Variants in ATP6V1G2 observed in about 807,000 individuals in gnomAD.
ATP6V1G2 encodes the protein V-type proton ATPase subunit G 2.
A neutral mutation model predicts 17.8 loss-of-function variants in ATP6V1G2; 14 were observed. The ratio of observed to expected loss-of-function variants is 0.79; its 90% CI spans 0.52 to 1.23. The LOEUF (loss-of-function observed/expected upper bound fraction) is 1.23, where lower values mean the gene tolerates loss of function less well. ATP6V1G2 is among the 50% of genes most tolerant of loss of function. The pLI, the probability that ATP6V1G2 is intolerant of heterozygous loss-of-function variation, is 0.00. For missense variants in ATP6V1G2, 112 were observed against 152.2 expected (o/e 0.74, Z 1.39); for synonymous variants, 57 against 54.8 (o/e 1.04, Z -0.17).
At position 31,546,569 on chromosome 6, in the gene ATP6V1G2, T is replaced by C; in HGVS notation, c.-10A>G. 1.2e-6 allele frequency: 2 copies of C among 1,612,544 alleles called. No homozygotes were observed. The highest frequency in any genetic ancestry group is 1.7e-6 in the Non-Finnish European group (2 of 1,178,964). The stretch of plus-strand genomic sequence containing the variant: ...GGGACTGACTGGCCATTTCTGTTGT[T>C]ATGGCCGATGCTGTTTTGAATGCTG... On this transcript the variant is annotated 5_prime_UTR_variant, in exon 1 of 3. In the 5' UTR this introduces an upstream ATG that the reference lacks. Coordinates refer to ENST00000303892, the MANE Select transcript of ATP6V1G2 (RefSeq NM_130463.4). The surrounding 1 kb of genome is among the most constrained non-coding windows in gnomAD (Gnocchi z 4.1).
chr6:31,545,873 A>G lies in ATP6V1G2; in HGVS notation c.183+236T>C, dbSNP rs1768942260. Reference sequence around the variant, plus strand: ...CAAATGTTAATCATACTCCACATAGATGTTATACTTTACACAGACTGTGGC... The same window carrying G: ...CAAATGTTAATCATACTCCACATAGGTGTTATACTTTACACAGACTGTGGC... On this transcript the variant is annotated intron_variant, in intron 2 of 2. Coordinates refer to ENST00000303892, the MANE Select transcript of ATP6V1G2 (RefSeq NM_130463.4). This position sits in a 1 kb window ranked among gnomAD's most constrained non-coding sequence, Gnocchi z 4.9. 1.6e-6 allele frequency: 1 copy of G among 614,030 alleles called. No homozygotes were observed. The highest frequency in any genetic ancestry group is 2.9e-6 in the Non-Finnish European group (1 of 346,940). 38.0% of individuals were successfully genotyped at this position (614,030 alleles called of 1,614,324 possible). A position where few individuals can be genotyped will look rare whatever the true frequency, so the allele number is the denominator to read the frequency against.
In ATP6V1G2 at chr6:31,545,762, G is replaced by A; in HGVS notation, c.184-181C>T. 1.4e-6 allele frequency: 1 copy of A among 690,466 alleles called. No individual in the cohort carries two copies. The highest frequency in any genetic ancestry group is 1.9e-5 in the South Asian group (1 of 51,606). The allele number at this position is 690,466 out of a possible 1,614,324, so 42.8% of individuals were successfully genotyped here. ...ATCAACACAGTCCCCTTTCCCCTTAGACCTAACATGCAACTTCATCCTAAA... is the reference window on the plus strand; with the variant it reads ...ATCAACACAGTCCCCTTTCCCCTTAAACCTAACATGCAACTTCATCCTAAA... On this transcript the variant is annotated intron_variant, in intron 2 of 2. Transcript: ENST00000303892. The surrounding 1 kb of genome is among the most constrained non-coding windows in gnomAD (Gnocchi z 4.9).
In ATP6V1G2 at chr6:31,545,943, T is replaced by C; in HGVS notation, c.183+166A>G. 2 of 695,980 alleles carry C rather than the reference T, an allele frequency of 2.9e-6. No individual in the cohort carries two copies. The highest frequency in any genetic ancestry group is 5.0e-6 in the Non-Finnish European group (2 of 396,692). 43.1% of individuals were successfully genotyped at this position (695,980 alleles called of 1,614,324 possible). On this transcript the variant is annotated intron_variant, in intron 2 of 2. Coordinates refer to ENST00000303892, the MANE Select transcript of ATP6V1G2 (RefSeq NM_130463.4). The surrounding 1 kb of genome is among the most constrained non-coding windows in gnomAD (Gnocchi z 4.9). ...TGTGGCCTTCAAAACTCCCAGACTC[T>C]CCTACATATCATCACAAAGTTTCAC...
chr6:31,545,774 A>C lies in ATP6V1G2; in HGVS notation c.184-193T>G, dbSNP rs1768929721. 1 of 661,120 alleles carries C rather than the reference A, an allele frequency of 1.5e-6. No individual in the cohort carries two copies. The highest frequency in any genetic ancestry group is 2.5e-6 in the Non-Finnish European group (1 of 392,174). The allele number at this position is 661,120 out of a possible 1,614,324, so 41.0% of individuals were successfully genotyped here. A position where few individuals can be genotyped will look rare whatever the true frequency, so the allele number is the denominator to read the frequency against. On this transcript the variant is annotated intron_variant, in intron 2 of 2. Transcript: ENST00000303892. This position sits in a 1 kb window ranked among gnomAD's most constrained non-coding sequence, Gnocchi z 4.9. ...CCCTTTCCCCTTAGACCTAACATGCAACTTCATCCTAAAACAGACCGTAAT... is the reference window on the plus strand; with the variant it reads ...CCCTTTCCCCTTAGACCTAACATGCCACTTCATCCTAAAACAGACCGTAAT...
Position 31,546,118 on chromosome 6 carries a change from CT to C in ATP6V1G2, c.173del (p.Lys58SerfsTer88). The C allele has an allele frequency of 6.2e-7, 1 of 1,614,062 alleles. No individual in the cohort carries two copies. The highest frequency in any genetic ancestry group is 8.5e-7 in the Non-Finnish European group (1 of 1,180,018). On this transcript the variant is annotated frameshift_variant, in exon 2 of 3. Coordinates refer to ENST00000303892, the MANE Select transcript of ATP6V1G2 (RefSeq NM_130463.4). LOFTEE classifies it high-confidence loss of function. This position sits in a 1 kb window ranked among gnomAD's most constrained non-coding sequence, Gnocchi z 4.1. ...RREREHEFQS[K>X]QQAAMGSQGN... ...CTCTGCCTCAACTCACCGCCTGCTG[CT>C]TGCTCTGGAATTCGTGCTCTCGCTC...
Position 31,545,979 on chromosome 6 carries a change from G to C in ATP6V1G2, c.183+130C>G. 2.3e-6 allele frequency: 2 copies of C among 873,260 alleles called. No homozygotes were observed. The highest frequency in any genetic ancestry group is 1.9e-5 in the Admixed American group (1 of 51,900). 54.1% of individuals were successfully genotyped at this position (873,260 alleles called of 1,614,324 possible). A position where few individuals can be genotyped will look rare whatever the true frequency, so the allele number is the denominator to read the frequency against. On this transcript the variant is annotated intron_variant, in intron 2 of 2. Transcript: ENST00000303892. The surrounding 1 kb of genome is among the most constrained non-coding windows in gnomAD (Gnocchi z 4.9). Reference sequence around the variant, plus strand: ...ATCACAAAGTTTCACCAATGTTGTGGTCCCTGCCAGGGTCCCCTCAGCCTC... The same window carrying C: ...ATCACAAAGTTTCACCAATGTTGTGCTCCCTGCCAGGGTCCCCTCAGCCTC...
upstream of ATP6V1G2, chr6:31,546,692 G>C (rs1769029099): frequency 1.4e-6 from 1 of 734,722 alleles, no homozygotes; most frequent in Admixed American, 2.1e-5. The surrounding 1 kb of genome is among the most constrained non-coding windows in gnomAD (Gnocchi z 4.1). Context: ...GTGCTCCCCT[G>C]CTCACTCAGC....
In ATP6V1G2 at chr6:31,545,449, C is replaced by A; in HGVS notation, c.316G>T (p.Val106Phe). 5 of 1,613,962 alleles carry A rather than the reference C, an allele frequency of 3.1e-6. No individual in the cohort carries two copies. The highest frequency in any genetic ancestry group is 4.2e-6 in the Non-Finnish European group (5 of 1,179,962). The change falls in exon 3 of 3, where the codon GTC (valine) becomes TTC (phenylalanine). Residue 106 changes from valine (V) to phenylalanine (F), a missense_variant. Transcript: ENST00000303892. This position sits in a 1 kb window ranked among gnomAD's most constrained non-coding sequence, Gnocchi z 4.9. ...TAGTTGGGGTGGACCTGGGGCCTGA[C>A]GTCGCAGACCATGCCAAGAAGCTGG... The part of the protein sequence containing the change: ...LAQLLGMVCD[V>F]RPQVHPNYRI...
Position 31,545,121 on chromosome 6 carries a change from A to T in ATP6V1G2, c.*287T>A. The T allele has an allele frequency of 1.9e-6, 1 of 535,708 alleles. No homozygotes were observed. Among genetic ancestry groups the T allele is most frequent in the Non-Finnish European group, 3.3e-6 (1 of 301,566 alleles). 33.2% of individuals were successfully genotyped at this position (535,708 alleles called of 1,614,324 possible). ...GGGACCCACATCGGCCAGACACTGA[A>T]GTCAGGATGTTTTCCACATTCCTAC... On this transcript the variant is annotated 3_prime_UTR_variant, in exon 3 of 3. Coordinates refer to ENST00000303892, the MANE Select transcript of ATP6V1G2 (RefSeq NM_130463.4). The surrounding 1 kb of genome is among the most constrained non-coding windows in gnomAD (Gnocchi z 4.9).
rs56735642 is a variant in ATP6V1G2 at position 31,544,667 on chromosome 6, C to CA, written c.*740dup. ...AAGACAAAGATCAGCAAAAGAAAAACAAAGAGAGGCTACAAAATGCAGTTA... is the reference window on the plus strand; with the variant it reads ...AAGACAAAGATCAGCAAAAGAAAAACAAAAGAGAGGCTACAAAATGCAGTTA... On this transcript the variant is annotated 3_prime_UTR_variant, in exon 3 of 3. Transcript: ENST00000303892. 2.2e-6 allele frequency: 1 copy of CA among 453,460 alleles called. No individual in the cohort carries two copies. The highest frequency in any genetic ancestry group is 4.4e-6 in the Non-Finnish European group (1 of 225,942). The allele number at this position is 453,460 out of a possible 1,614,324, so 28.1% of individuals were successfully genotyped here.
rs1411054319 is a variant in ATP6V1G2, at chr6:31,546,073, G to T, written c.183+36C>A. 1 of 1,599,346 alleles carries T rather than the reference G, an allele frequency of 6.3e-7. No homozygotes were observed. Among genetic ancestry groups the T allele is most frequent in the South Asian group, 1.1e-5 (1 of 90,786 alleles). On this transcript the variant is annotated intron_variant, in intron 2 of 2. Coordinates refer to ENST00000303892, the MANE Select transcript of ATP6V1G2 (RefSeq NM_130463.4). The surrounding 1 kb of genome is among the most constrained non-coding windows in gnomAD (Gnocchi z 4.1). Reference sequence around the variant, plus strand: ...CCTCACTAGATGCACCCACCAACTTGCAGTGGGGTCTCAACCCGACTCTGC... The same window carrying T: ...CCTCACTAGATGCACCCACCAACTTTCAGTGGGGTCTCAACCCGACTCTGC...
Position 31,546,296 on chromosome 6 carries a change from T to C in ATP6V1G2, c.83-87A>G, listed in dbSNP as rs1768985345. ...GGAGTCAGTCCCTTCCAGAAAGTTA[T>C]ACAGCCTTCTCTCAGCCAACCAGGT... On this transcript the variant is annotated intron_variant, in intron 1 of 2. Transcript: ENST00000303892. This position sits in a 1 kb window ranked among gnomAD's most constrained non-coding sequence, Gnocchi z 4.1. 2.1e-6 allele frequency: 3 copies of C among 1,395,882 alleles called. No individual in the cohort carries two copies. Among genetic ancestry groups the C allele is most frequent in the Non-Finnish European group, 3.0e-6 (3 of 989,972 alleles). The allele number at this position is 1,395,882 out of a possible 1,614,324, so 86.5% of individuals were successfully genotyped here.
upstream of ATP6V1G2, chr6:31,546,612 TC>T: frequency 1.3e-6 from 2 of 1,534,458 alleles, no homozygotes; most frequent in Non-Finnish European, 1.8e-6. The surrounding 1 kb of genome is among the most constrained non-coding windows in gnomAD (Gnocchi z 4.1). Flanking sequence ...ACCAGATGGC[TC>T]CCACCCCCCA....
In ATP6V1G2 at chr6:31,545,333, G is replaced by C; in HGVS notation, c.*75C>G. The stretch of plus-strand genomic sequence containing the variant: ...GGGATGGAAAGAAGACAGGGATTAT[G>C]GTGGGAGGTGATTTTGATTGGAGGA... On this transcript the variant is annotated 3_prime_UTR_variant, in exon 3 of 3. Coordinates refer to ENST00000303892, the MANE Select transcript of ATP6V1G2 (RefSeq NM_130463.4). This position sits in a 1 kb window ranked among gnomAD's most constrained non-coding sequence, Gnocchi z 4.9. The C allele has an allele frequency of 6.7e-7, 1 of 1,500,808 alleles. No homozygotes were observed. Among genetic ancestry groups the C allele is most frequent in the African/African-American group, 1.4e-5 (1 of 73,006 alleles). The allele number at this position is 1,500,808 out of a possible 1,614,324, so 93.0% of individuals were successfully genotyped here. A position where few individuals can be genotyped will look rare whatever the true frequency, so the allele number is the denominator to read the frequency against.
chr6:31,545,989 G>T lies in ATP6V1G2; in HGVS notation c.183+120C>A. 1 of 981,558 alleles carries T rather than the reference G, an allele frequency of 1.0e-6. No homozygotes were observed. Among genetic ancestry groups the T allele is most frequent in the South Asian group, 1.3e-5 (1 of 74,634 alleles). 60.8% of individuals were successfully genotyped at this position (981,558 alleles called of 1,614,324 possible). On this transcript the variant is annotated intron_variant, in intron 2 of 2. Coordinates refer to ENST00000303892, the MANE Select transcript of ATP6V1G2 (RefSeq NM_130463.4). This position sits in a 1 kb window ranked among gnomAD's most constrained non-coding sequence, Gnocchi z 4.9. ...TTCACCAATGTTGTGGTCCCTGCCA[G>T]GGTCCCCTCAGCCTCAGCCCTCTGC...
chr6:31,546,089 C>T lies in ATP6V1G2; in HGVS notation c.183+20G>A. ...CACCAACTTGCAGTGGGGTCTCAAC[C>T]CGACTCTGCCTCAACTCACCGCCTG... On this transcript the variant is annotated intron_variant, in intron 2 of 2. Transcript: ENST00000303892. The surrounding 1 kb of genome is among the most constrained non-coding windows in gnomAD (Gnocchi z 4.1). The T allele has an allele frequency of 1.2e-6, 2 of 1,613,690 alleles. No homozygotes were observed. The highest frequency in any genetic ancestry group is 2.2e-5 in the South Asian group (2 of 91,058).
chr6:31,545,804 C>T lies in ATP6V1G2; in HGVS notation c.184-223G>A, dbSNP rs1768932523. The T allele has an allele frequency of 1.6e-6, 1 of 620,348 alleles. No individual in the cohort carries two copies. The highest frequency in any genetic ancestry group is 2.8e-6 in the Non-Finnish European group (1 of 354,856). The allele number at this position is 620,348 out of a possible 1,614,324, so 38.4% of individuals were successfully genotyped here. On this transcript the variant is annotated intron_variant, in intron 2 of 2. Transcript: ENST00000303892. The surrounding 1 kb of genome is among the most constrained non-coding windows in gnomAD (Gnocchi z 4.9). ...CATCCTAAAACAGACCGTAATATCC[C>T]CACCACCTCACCATCCATGACCATA...
chr6:31,545,627 A>G lies in ATP6V1G2; in HGVS notation c.184-46T>C. On this transcript the variant is annotated intron_variant, in intron 2 of 2. Coordinates refer to ENST00000303892, the MANE Select transcript of ATP6V1G2 (RefSeq NM_130463.4). This position sits in a 1 kb window ranked among gnomAD's most constrained non-coding sequence, Gnocchi z 4.9. Reference sequence around the variant, plus strand: ...TGGAAGAGAGAAAGGGAAAAGCAGAAACAGACAAGGGTCCAGGCATATGAG... The same window carrying G: ...TGGAAGAGAGAAAGGGAAAAGCAGAGACAGACAAGGGTCCAGGCATATGAG... The G allele has an allele frequency of 1.3e-6, 2 of 1,592,328 alleles. No homozygotes were observed. The highest frequency in any genetic ancestry group is 1.7e-6 in the Non-Finnish European group (2 of 1,168,048).
Position 31,545,852 on chromosome 6 carries a change from T to G in ATP6V1G2, c.183+257A>C. On this transcript the variant is annotated intron_variant, in intron 2 of 2. Transcript: ENST00000303892. This position sits in a 1 kb window ranked among gnomAD's most constrained non-coding sequence, Gnocchi z 4.9. Reference sequence around the variant, plus strand: ...ATAAAACTCTACCCTCCACCACAAATGTTAATCATACTCCACATAGATGTT... The same window carrying G: ...ATAAAACTCTACCCTCCACCACAAAGGTTAATCATACTCCACATAGATGTT... 1 of 610,560 alleles carries G rather than the reference T, an allele frequency of 1.6e-6. No homozygotes were observed. The highest frequency in any genetic ancestry group is 2.9e-6 in the Non-Finnish European group (1 of 345,270). 37.8% of individuals were successfully genotyped at this position (610,560 alleles called of 1,614,324 possible). A position where few individuals can be genotyped will look rare whatever the true frequency, so the allele number is the denominator to read the frequency against.
Sources: allele counts gnomAD v4.1 joint callset, GRCh38; gene constraint gnomAD v4.1.1; non-coding constraint Gnocchi (gnomAD v3.1); transcripts MANE v1.5; gene names NCBI Gene and HGNC (gene_info 2026-07-23, HGNC 2026-07-21).